The following MYCBP2 variants were observed in gnomAD, a reference collection of about 807,000 sequenced individuals.
The protein encoded by MYCBP2 is MYC binding protein 2, also known as E3 ubiquitin-protein ligase MYCBP2.
A neutral mutation model predicts 525.3 loss-of-function variants in MYCBP2; 120 were observed. The observed-to-expected ratio is 0.23, with a 90% CI of 0.20 to 0.27. The LOEUF (loss-of-function observed/expected upper bound fraction) is 0.27. Among genes scored for constraint, MYCBP2 ranks in the 10% least tolerant of loss-of-function variants. MYCBP2 has a pLI of 1.00. For missense variants in MYCBP2, 4,149 were observed against 5,657.1 expected (o/e 0.73, Z 8.55); for synonymous variants, 1,894 against 1,955.8 (o/e 0.97, Z 0.83).
intron 80 of MYCBP2, 45 bp downstream of exon 80, chr13:77,055,513 G>A: frequency 6.7e-7 from 1 of 1,490,640 alleles, no homozygotes; most frequent in East Asian, 2.3e-5. Context: ...AATCATATAG[G>A]TAAGCTCTAG....
chr13:77,122,559 G>A (rs1022045767), intron 54 of MYCBP2, among the ~76,000 whole-genome samples: 37 of 151,722 alleles, frequency 2.4e-4, no homozygotes, highest in Non-Finnish European at 2.9e-5. Flanking sequence ...CGTGGTGGCC[G>A]GCGCCTGTAG....
chr13:77,110,722 T>A (rs560444829), intron 55 of MYCBP2, among the ~76,000 whole-genome samples: 1 of 152,270 alleles, frequency 6.6e-6, no homozygotes, highest in East Asian at 1.9e-4. Context: ...TTTGTACTCT[T>A]TCTCTTTTTT....
chr13:77,066,610 G>A (rs1169918510), intron 71 of MYCBP2, among the ~76,000 whole-genome samples: 3 of 152,086 alleles, frequency 2.0e-5, no homozygotes, highest in East Asian at 1.9e-4. Flanking sequence ...ATATACCTTG[G>A]TGCAAATGCA....
chr13:77,149,670 A>T (rs1055425125), intron 47 of MYCBP2, among the ~76,000 whole-genome samples: 1 of 152,048 alleles, frequency 6.6e-6, no homozygotes, highest in African/African-American at 2.4e-5. Context: ...CTCATCCAAA[A>T]CTGAATCTGC....
chr13:77,146,905 T>C (rs1379267840), intron 47 of MYCBP2, among the ~76,000 whole-genome samples: 4 of 152,138 alleles, frequency 2.6e-5, no homozygotes, highest in African/African-American at 9.7e-5. Flanking sequence ...GTATGTATCT[T>C]ACAGAAACTC....
intron 21 of MYCBP2, among the ~76,000 whole-genome samples, chr13:77,216,924 A>T (rs1028456471): frequency 5.3e-5 from 8 of 152,230 alleles, no homozygotes; most frequent in Admixed American, 3.3e-4. Flanking sequence ...GAGAAAAAAA[A>T]ATATTTTATA....
intron 55 of MYCBP2, among the ~76,000 whole-genome samples, chr13:77,117,842 C>G (rs568345547): frequency 6.6e-6 from 1 of 151,852 alleles, no homozygotes; most frequent in Non-Finnish European, 1.5e-5. Flanking sequence ...CTAGAGCAAT[C>G]CTAAAAGACA....
intron 15 of MYCBP2, among the ~76,000 whole-genome samples, chr13:77,244,961 C>T (rs1393601297): frequency 2.0e-5 from 3 of 152,190 alleles, no homozygotes; most frequent in Non-Finnish European, 4.4e-5. Context: ...TAAGAACAGA[C>T]ACTTCTCAAA....
chr13:77,249,962 G>A (rs997276638), intron 15 of MYCBP2, among the ~76,000 whole-genome samples: 2 of 152,074 alleles, frequency 1.3e-5, no homozygotes, highest in Non-Finnish European at 2.9e-5. Flanking sequence ...GGTGGCTCAC[G>A]CCTGTAATCC....
intron 80 of MYCBP2, among the ~76,000 whole-genome samples, chr13:77,052,648 T>C (rs1566283675): frequency 6.6e-6 from 1 of 152,232 alleles, no homozygotes; most frequent in Non-Finnish European, 1.5e-5. Flanking sequence ...TTTGAGAAAT[T>C]TTTCTCATTT....
intron 12 of MYCBP2, 92 bp from the exon 13 acceptor site, chr13:77,260,684 T>C (rs2073119036): frequency 2.7e-6 from 3 of 1,114,842 alleles, no homozygotes; most frequent in Admixed American, 6.2e-5. Context: ...AAACCCATAT[T>C]ATTTGCATTT....
chr13:77,208,161 T>G (rs2329029), intron 23 of MYCBP2, among the ~76,000 whole-genome samples: 111,160 of 151,956 alleles, frequency 0.73, 41,907 homozygotes, highest in Middle Eastern at 0.84. Flanking sequence ...CCTCCTGCTC[T>G]CTTTTCCTCT....
chr13:77,095,231 C>G, intron 58 of MYCBP2, 127 bp downstream of exon 58: 1 of 1,154,262 alleles, frequency 8.7e-7, no homozygotes, highest in Non-Finnish European at 1.2e-6. Context: ...AAATAAATGC[C>G]TGGAAGTTTG....
At chr13:77,280,648 A>G (rs191263685) in intron 3 of MYCBP2, among the ~76,000 whole-genome samples, 30 of 152,328 alleles carry the variant, frequency 2.0e-4, no homozygotes, top group African/African-American at 7.0e-4. Context: ...ACCTTGCCAG[A>G]AACAGTAAGA....
chr13:77,149,629 C>A (rs888825787), intron 47 of MYCBP2, among the ~76,000 whole-genome samples: 3 of 152,176 alleles, frequency 2.0e-5, no homozygotes, highest in Non-Finnish European at 4.4e-5. Flanking sequence ...TACATCTTCA[C>A]GTAGGTATTT....
At chr13:77,239,560 C>T (rs1383567755) in intron 17 of MYCBP2, among the ~76,000 whole-genome samples, 1 of 152,158 alleles carries the variant, frequency 6.6e-6, no homozygotes, top group Non-Finnish European at 1.5e-5. Flanking sequence ...TGGATCAAAC[C>T]GCAAAGTGCA....
intron 2 of MYCBP2, among the ~76,000 whole-genome samples, chr13:77,294,104 C>CCATATATATA (rs1297038387): frequency 7.2e-5 from 3 of 41,910 alleles, no homozygotes; most frequent in East Asian, 5.8e-4. Context: ...GATATAATGG[C>CCATATATATA]TATATATATA....
intron 36 of MYCBP2, among the ~76,000 whole-genome samples, chr13:77,175,346 C>G (rs2059591356): frequency 6.6e-6 from 1 of 151,562 alleles, no homozygotes; most frequent in Non-Finnish European, 1.5e-5. Flanking sequence ...AAGAAAAACT[C>G]AGAGATAGAA....
rs183941222 is a variant in MYCBP2, at chr13:77,195,569, T to C, written c.3844-1325A>G. 1.9e-4 allele frequency among the ~76,000 whole-genome samples: 29 copies of C among 151,288 alleles called. No individual in the cohort carries two copies. In the East Asian group the frequency reaches 5.2e-3, roughly 27 times the overall value. The stretch of plus-strand genomic sequence containing the variant: ...CCAAGATGGCATCACTGCACTCCAG[T>C]GTGGGCTACCAAAGAGACTCTTAAA... On this transcript the variant is annotated intron_variant, in intron 26 of 82. Transcript: ENST00000544440.
Sources: gnomAD v4.1 joint callset for allele counts (sites outside exome capture counted in the v4.1 genomes callset) on GRCh38, gnomAD v4.1.1 for gene constraint, MANE v1.5 for transcripts, NCBI Gene and HGNC (gene_info 2026-07-23, HGNC 2026-07-21) for gene names.